Variants in TEAD1 observed in about 807,000 individuals in gnomAD.
TEAD1 encodes the protein TEA domain transcription factor 1.
In TEAD1, 9 loss-of-function variants were observed where a neutral mutation model predicts 54.9. The ratio of observed to expected loss-of-function variants is 0.16; its 90% CI spans 0.10 to 0.29. TEAD1 has a LOEUF of 0.29. Among genes scored for constraint, TEAD1 ranks in the 10% least tolerant of loss-of-function variants. The pLI, the probability that TEAD1 is intolerant of heterozygous loss-of-function variation, is 1.00. For synonymous variants in TEAD1, 200 were observed against 187.8 expected (o/e 1.07, Z -0.53); for missense variants, 387 against 535.9 (o/e 0.72, Z 2.74).
rs551959959 is a variant in TEAD1, at chr11:12,802,622, G to C, written c.202+38188G>C. 1.5e-4 allele frequency among the ~76,000 whole-genome samples: 23 copies of C among 152,244 alleles called. No individual in the cohort carries two copies. In the South Asian group the frequency reaches 3.9e-3, roughly 26 times the overall value. On this transcript the variant is annotated intron_variant, in intron 3 of 12. Coordinates refer to ENST00000527636, the MANE Select transcript of TEAD1 (RefSeq NM_021961.6). ...CTGTGCCACTTGCTTCCTTCCCTGA[G>C]AGGTTCTGGTGGCCAGGTGTTATGA...
intron 3 of TEAD1, among the ~76,000 whole-genome samples, chr11:12,808,083 T>C (rs978663632): frequency 2.6e-5 from 4 of 152,264 alleles, no homozygotes; most frequent in Admixed American, 2.6e-4. Flanking sequence ...TCAGAAAATA[T>C]GGGGAAAAGA....
At chr11:12,898,331 A>C (rs1948353092) in intron 9 of TEAD1, among the ~76,000 whole-genome samples, 1 of 152,018 alleles carries the variant, frequency 6.6e-6, no homozygotes, top group East Asian at 1.9e-4. Context: ...CTCAGGATCT[A>C]GTGAATGTCA....
chr11:12,932,232 A>C (rs1018324718), intron 12 of TEAD1, among the ~76,000 whole-genome samples: 3 of 152,154 alleles, frequency 2.0e-5, no homozygotes, highest in African/African-American at 7.2e-5. Context: ...AGAGCAATTC[A>C]AGGTTTGCAG....
chr11:12,924,370 C>CTT (rs1948869729), intron 10 of TEAD1, among the ~76,000 whole-genome samples: 1 of 152,146 alleles, frequency 6.6e-6, no homozygotes, highest in Admixed American at 6.5e-5. Flanking sequence ...TAGCATGAAC[C>CTT]TTTCATAGTA....
Position 12,708,489 on chromosome 11 carries a change from C to T in TEAD1, c.-55+32928C>T, listed in dbSNP as rs527653970. 1.6e-4 allele frequency among the ~76,000 whole-genome samples: 25 copies of T among 151,870 alleles called. 1 individual carries two copies. In the East Asian group the frequency reaches 3.1e-3, roughly 19 times the overall value. ...AAACAGCCTTAATTGGGATGGGGCT[C>T]GGGGGCAAATTTCATATGTGATTGG... On this transcript the variant is annotated intron_variant, in intron 2 of 12. Transcript: ENST00000527636.
chr11:12,692,605 C>T (rs542366208), intron 2 of TEAD1, among the ~76,000 whole-genome samples: 4 of 152,312 alleles, frequency 2.6e-5, no homozygotes, highest in South Asian at 2.1e-4. Context: ...CCCCCGCCCC[C>T]GCTTTCCTCC....
chr11:12,840,680 G>GCC (rs1370845498), intron 3 of TEAD1, among the ~76,000 whole-genome samples: 2 of 152,132 alleles, frequency 1.3e-5, no homozygotes, highest in East Asian at 3.9e-4. Context: ...GGCTGAAGGG[G>GCC]CCCCATTCCT....
In TEAD1 at chr11:12,880,976, T is replaced by C. The variant is rs766837437; in HGVS notation, c.466-29T>C. 3.7e-6 allele frequency: 6 copies of C among 1,614,076 alleles called. No individual in the cohort carries two copies. The South Asian group carries it at 6.6e-5, about 18-fold the overall frequency. ...ACTGTGCTTTGAAGTAAACTCGTAATTCTGAGGCCTTTGCATTTTGCCTTC... is the reference window on the plus strand; with the variant it reads ...ACTGTGCTTTGAAGTAAACTCGTAACTCTGAGGCCTTTGCATTTTGCCTTC... On this transcript the variant is annotated intron_variant, in intron 6 of 12. Coordinates refer to ENST00000527636, the MANE Select transcript of TEAD1 (RefSeq NM_021961.6).
At chr11:12,693,701 G>C (rs1443091153) in intron 2 of TEAD1, among the ~76,000 whole-genome samples, 1 of 152,172 alleles carries the variant, frequency 6.6e-6, no homozygotes, top group Non-Finnish European at 1.5e-5. Context: ...TTATTTTGCT[G>C]TGAATATTCA....
In TEAD1 at chr11:12,837,897, A is replaced by T. The variant is rs147127032; in HGVS notation, c.203-24353A>T. Reference sequence around the variant, plus strand: ...ATCTCAGTGAAACCTCTGCCTCCAGAGTTCAAGCGATTCTCCTGCCTCAGC... The same window carrying T: ...ATCTCAGTGAAACCTCTGCCTCCAGTGTTCAAGCGATTCTCCTGCCTCAGC... On this transcript the variant is annotated intron_variant, in intron 3 of 12. Coordinates refer to ENST00000527636, the MANE Select transcript of TEAD1 (RefSeq NM_021961.6). Among the ~76,000 whole-genome samples the T allele has an allele frequency of 2.9e-3, 436 of 150,676 alleles. 1 individual carries two copies. Among genetic ancestry groups the T allele is most frequent in the African/African-American group, 0.01 (417 of 40,924 alleles).
chr11:12,927,543 A>C (rs1948925559), intron 11 of TEAD1, among the ~76,000 whole-genome samples: 1 of 152,212 alleles, frequency 6.6e-6, no homozygotes, highest in Non-Finnish European at 1.5e-5. Context: ...TATTCTTCCA[A>C]ATAATTCAAT....
chr11:12,822,236 A>T (rs1237787438), intron 3 of TEAD1, among the ~76,000 whole-genome samples: 3 of 152,160 alleles, frequency 2.0e-5, no homozygotes, highest in African/African-American at 7.2e-5. Flanking sequence ...TGTTGGGATT[A>T]CAGGCGTGAG....
intron 3 of TEAD1, among the ~76,000 whole-genome samples, chr11:12,838,594 T>A (rs1003130891): frequency 1.3e-5 from 2 of 152,110 alleles, no homozygotes; most frequent in Admixed American, 1.3e-4. Flanking sequence ...AAAACAAAAG[T>A]TTATTATAGA....
At chr11:12,782,406 C>T (rs994092311) in intron 3 of TEAD1, among the ~76,000 whole-genome samples, 4 of 152,084 alleles carry the variant, frequency 2.6e-5, no homozygotes, top group East Asian at 1.9e-4. Flanking sequence ...ATGAATCATA[C>T]GAAATGCCCG....
At chr11:12,736,709 T>A (rs1944540105) in intron 2 of TEAD1, among the ~76,000 whole-genome samples, 1 of 152,218 alleles carries the variant, frequency 6.6e-6, no homozygotes, top group African/African-American at 2.4e-5. Flanking sequence ...AGCTTTTGAT[T>A]CTTATCCATT....
intron 9 of TEAD1, among the ~76,000 whole-genome samples, chr11:12,893,899 G>A (rs768569755): frequency 3.3e-5 from 5 of 152,194 alleles, no homozygotes; most frequent in Admixed American, 6.5e-5. Context: ...GGCAGGAACC[G>A]TGAGCACAGG....
intron 3 of TEAD1, among the ~76,000 whole-genome samples, chr11:12,802,281 G>A (rs1359198035): frequency 6.6e-6 from 1 of 152,050 alleles, no homozygotes; most frequent in Non-Finnish European, 1.5e-5. Context: ...TAACTTTTTT[G>A]TTATTACTTT....
chr11:12,919,825 G>A (rs1948772293), intron 10 of TEAD1, among the ~76,000 whole-genome samples: 1 of 152,152 alleles, frequency 6.6e-6, no homozygotes, highest in African/African-American at 2.4e-5. Context: ...TACAACATAT[G>A]TTGAATTTTT....
At chr11:12,892,647 A>G (rs1241293810) in intron 9 of TEAD1, among the ~76,000 whole-genome samples, 2 of 152,188 alleles carry the variant, frequency 1.3e-5, no homozygotes, top group African/African-American at 4.8e-5. Flanking sequence ...TGTCTCAAAA[A>G]AATAAATAAA....
Sources: allele counts gnomAD v4.1 joint callset (sites outside exome capture counted in the v4.1 genomes callset), GRCh38; gene constraint gnomAD v4.1.1; transcripts MANE v1.5; gene names NCBI Gene and HGNC (gene_info 2026-07-23, HGNC 2026-07-21).